WWP1: variants seen among roughly 807,000 people sequenced by gnomAD.
WWP1 encodes the protein WW domain containing E3 ubiquitin protein ligase 1.
In WWP1, 49 loss-of-function variants were observed where a neutral mutation model predicts 130.6. That is an observed-to-expected ratio of 0.38 (90% confidence interval 0.30 to 0.48). The LOEUF is 0.48. Ranked by LOEUF, WWP1 falls within the 20% of genes least tolerant of loss-of-function variation. WWP1 has a pLI of 0.99. For synonymous variants in WWP1, 332 were observed against 367.8 expected, an observed-to-expected ratio of 0.90 and a Z score of 1.11; for missense variants, 809 against 1,100.6, an observed-to-expected ratio of 0.74 and a Z score of 3.75.
At chr8:86,401,389 GTC>G (rs1417970352) in intron 7 of WWP1, among the ~76,000 whole-genome samples, 2 of 151,946 alleles carry the variant, frequency 1.3e-5, no homozygotes, top group Non-Finnish European at 2.9e-5. Flanking sequence ...GGGAGATCCA[GTC>G]TCTACAAAAA....
intron 1 of WWP1, among the ~76,000 whole-genome samples, chr8:86,351,643 A>T (rs886609219): frequency 5.9e-5 from 9 of 152,080 alleles, no homozygotes; most frequent in Non-Finnish European, 8.8e-5. Context: ...TAAACAAAAA[A>T]AAAGTTGCTA....
chr8:86,376,023 A>G (rs1203858754), intron 3 of WWP1, among the ~76,000 whole-genome samples: 1 of 152,342 alleles, frequency 6.6e-6, no homozygotes, highest in East Asian at 1.9e-4. Flanking sequence ...TTGAACTATA[A>G]GGGATATTTG....
At chr8:86,454,006 A>G (rs887212848) in intron 21 of WWP1, among the ~76,000 whole-genome samples, 1 of 152,256 alleles carries the variant, frequency 6.6e-6, no homozygotes, top group East Asian at 1.9e-4. Flanking sequence ...TTCAGATTTC[A>G]TACAGTAATA....
intron 8 of WWP1, among the ~76,000 whole-genome samples, chr8:86,409,503 G>A (rs1808469822): frequency 6.7e-6 from 1 of 149,566 alleles, no homozygotes; most frequent in African/African-American, 2.4e-5. Context: ...CAAAGTGCTG[G>A]GATTACAGGC....
intron 1 of WWP1, among the ~76,000 whole-genome samples, chr8:86,363,940 G>C (rs1194433506): frequency 6.6e-6 from 1 of 152,100 alleles, no homozygotes; most frequent in Non-Finnish European, 1.5e-5. Context: ...CCTTGAAAGG[G>C]TGGTTAGTTA....
At chr8:86,345,471 G>A (rs371178533) in intron 1 of WWP1, among the ~76,000 whole-genome samples, 10 of 152,176 alleles carry the variant, frequency 6.6e-5, no homozygotes, top group Middle Eastern at 3.4e-3. Context: ...GTGCAGTGGC[G>A]CCTTCTGGGC....
chr8:86,342,921 T>C lies in WWP1; in HGVS notation c.-124T>C. On this transcript the variant is annotated 5_prime_UTR_variant, in exon 1 of 25. Coordinates refer to ENST00000517970, the MANE Select transcript of WWP1 (RefSeq NM_007013.4). ...CGCCCGGCTGCCGGGAGCCGACAGC[T>C]TCGCGCCGGGTAAGGACGGCGCGGC... 3.5e-6 allele frequency: 1 copy of C among 285,876 alleles called. No individual in the cohort carries two copies. The highest frequency in any genetic ancestry group is 6.4e-6 in the Non-Finnish European group (1 of 155,876). 17.7% of individuals were successfully genotyped at this position (285,876 alleles called of 1,614,324 possible). A position where few individuals can be genotyped will look rare whatever the true frequency, so the allele number is the denominator to read the frequency against.
chr8:86,385,646 G>T (rs779157252), intron 5 of WWP1, among the ~76,000 whole-genome samples: 2 of 152,302 alleles, frequency 1.3e-5, no homozygotes, highest in East Asian at 3.9e-4. Flanking sequence ...TTTAGTGATA[G>T]TGGGAAAGTT....
Position 86,423,699 on chromosome 8 carries a change from G to C in WWP1, c.1062-1524G>C, listed in dbSNP as rs1284984703. Reference sequence around the variant, plus strand: ...TCCCCCTTTTCTATTCCACAAAACCGCCATCATCATCATGGCCCGTTCTCA... The same window carrying C: ...TCCCCCTTTTCTATTCCACAAAACCCCCATCATCATCATGGCCCGTTCTCA... On this transcript the variant is annotated intron_variant, in intron 9 of 24. Transcript: ENST00000517970. Among the ~76,000 whole-genome samples the C allele has an allele frequency of 6.6e-5, 10 of 151,692 alleles. No individual in the cohort carries two copies. The East Asian group carries it at 1.6e-3, about 24-fold the overall frequency.
chr8:86,365,757 G>C (rs952606838), intron 1 of WWP1, among the ~76,000 whole-genome samples: 1 of 152,090 alleles, frequency 6.6e-6, no homozygotes, highest in African/African-American at 2.4e-5. Flanking sequence ...GAGGCCAGAG[G>C]TTAAAGACTA....
rs1812262532 is a variant in WWP1 at position 86,467,911 on chromosome 8, A to AT, written c.*1019dup. The AT allele has an allele frequency of 1.3e-5, 2 of 152,924 alleles. No individual in the cohort carries two copies. Among genetic ancestry groups the AT allele is most frequent in the Admixed American group, 6.5e-5 (1 of 15,320 alleles). The allele number at this position is 152,924 out of a possible 1,614,324, so 9.5% of individuals were successfully genotyped here. A position where few individuals can be genotyped will look rare whatever the true frequency, so the allele number is the denominator to read the frequency against. On this transcript the variant is annotated 3_prime_UTR_variant, in exon 25 of 25. Transcript: ENST00000517970. ...GAATATCTTCATTCCTCTCAAATTC[A>AT]TAACAGTTCTATTTAACTGAATTAA...
intron 1 of WWP1, among the ~76,000 whole-genome samples, chr8:86,363,692 A>T (rs1823801151): frequency 6.7e-6 from 1 of 149,968 alleles, no homozygotes; most frequent in Non-Finnish European, 1.5e-5. Context: ...GCTACTCAGG[A>T]GGCTGAGGCA....
chr8:86,435,941 T>C (rs1350843792), intron 16 of WWP1, among the ~76,000 whole-genome samples: 1 of 152,140 alleles, frequency 6.6e-6, no homozygotes, highest in African/African-American at 2.4e-5. Flanking sequence ...TCGAACGATC[T>C]ACCCACCTCG....
intron 8 of WWP1, among the ~76,000 whole-genome samples, chr8:86,408,141 A>G (rs1238679030): frequency 1.3e-5 from 2 of 152,198 alleles, no homozygotes; most frequent in Non-Finnish European, 2.9e-5. Context: ...TTGGAGTCCT[A>G]CAGTGTGGGT....
In WWP1 at chr8:86,448,436, A is replaced by G. The variant is rs1810999945; in HGVS notation, c.2196A>G (p.Gly732=). 2 of 1,613,712 alleles carry G rather than the reference A, an allele frequency of 1.2e-6. No individual in the cohort carries two copies. Among genetic ancestry groups the G allele is most frequent in the Non-Finnish European group, 1.7e-6 (2 of 1,179,882 alleles). ...TTTCTGTTGACATGGAGATTTTGGGAAAAGTTACTTCACATGACCTGAAGT... is the reference window on the plus strand; with the variant it reads ...TTTCTGTTGACATGGAGATTTTGGGGAAAGTTACTTCACATGACCTGAAGT... ...MYFSVDMEIL[G]KVTSHDLKLG... Residue 732 remains glycine (G), a synonymous_variant, in exon 20 of 25, where the codon GGA becomes GGG. Coordinates refer to ENST00000517970, the MANE Select transcript of WWP1 (RefSeq NM_007013.4).
chr8:86,455,876 C>T (rs1243222738), intron 21 of WWP1, among the ~76,000 whole-genome samples: 1 of 151,782 alleles, frequency 6.6e-6, no homozygotes, highest in East Asian at 1.9e-4. Flanking sequence ...ATTTCTAACA[C>T]CATAGTAAAT....
At chr8:86,349,971 C>A (rs1169474545) in intron 1 of WWP1, among the ~76,000 whole-genome samples, 1 of 151,980 alleles carries the variant, frequency 6.6e-6, no homozygotes, top group African/African-American at 2.4e-5. Context: ...TGGCCTTGAC[C>A]AGAGTGAGCA....
chr8:86,437,751 T>G (rs1018367416), intron 16 of WWP1, among the ~76,000 whole-genome samples: 6 of 152,178 alleles, frequency 3.9e-5, no homozygotes, highest in Non-Finnish European at 8.8e-5. Flanking sequence ...AAGAGTCAGT[T>G]AACACATAGA....
In WWP1 at chr8:86,442,756, T is replaced by C. The variant is rs1362591447; in HGVS notation, c.1976T>C (p.Phe659Ser). 6.2e-7 allele frequency: 1 copy of C among 1,609,468 alleles called. No individual in the cohort carries two copies. The highest frequency in any genetic ancestry group is 8.5e-7 in the Non-Finnish European group (1 of 1,178,660). ...INPDHLSYFC[F>S]IGRFIAMALF... is the part of the protein sequence containing the mutation. ...CCAGACCATCTTTCATACTTCTGTT[T>C]CATTGGTCGTTTTATTGCCATGGTG... The change falls in exon 18 of 25, where the codon TTC becomes TCC. Residue 659 changes from phenylalanine to serine, a missense_variant. Around this residue, in one of 3 missense-constraint regions of WWP1, gnomAD observed 450 missense variants for 674.2 expected, o/e 0.67. Coordinates refer to ENST00000517970, the MANE Select transcript of WWP1 (RefSeq NM_007013.4).
Sources: gnomAD v4.1 joint callset for allele counts (sites outside exome capture counted in the v4.1 genomes callset) on GRCh38, gnomAD v4.1.1 for gene constraint, gnomAD v4.1.1 regional missense constraint, MANE v1.5 for transcripts, NCBI Gene and HGNC (gene_info 2026-07-23, HGNC 2026-07-21) for gene names.